Variants in PCDHA8 observed in about 807,000 individuals in gnomAD.
The protein encoded by PCDHA8 is protocadherin alpha 8.
PCDHA8 carries 53 observed loss-of-function variants against 61.8 expected under a neutral mutation model. That is an observed-to-expected ratio of 0.86 (90% CI 0.69 to 1.08). The LOEUF (loss-of-function observed/expected upper bound fraction) is 1.08. Ranked by LOEUF, PCDHA8 falls within the 50% of genes least tolerant of loss-of-function variation. The pLI is 0.00. For synonymous variants in PCDHA8, 618 were observed against 556.6 expected, an observed-to-expected ratio of 1.11 and a Z score of -1.55; for missense variants, 1,293 against 1,245.0, an observed-to-expected ratio of 1.04 and a Z score of -0.58.
At chr5:140,942,338 G>A (rs1554214916) in intron 1 of PCDHA8, among the ~76,000 whole-genome samples, 1 of 152,042 alleles carries the variant, frequency 6.6e-6, no homozygotes, top group African/African-American at 2.4e-5. Flanking sequence ...TGAACCAGAG[G>A]GAGGCGGAGG....
intron 1 of PCDHA8, among the ~76,000 whole-genome samples, chr5:140,903,594 A>G (rs868958257): frequency 3.3e-5 from 5 of 152,238 alleles, no homozygotes; most frequent in South Asian, 2.1e-4. Flanking sequence ...TTGGCCTGAT[A>G]AATGCTTAAT....
At chr5:140,882,717 C>T (rs1311295002) in intron 1 of PCDHA8, 1 of 1,614,102 alleles carries the variant, frequency 6.2e-7, no homozygotes, top group Non-Finnish European at 8.5e-7. Context: ...CCTCCGGAAA[C>T]TCGATTTCCA....
rs71583613 is a variant in PCDHA8 at position 141,001,265 on chromosome 5, T to G, written c.2543-8362T>G. 5.1e-4 allele frequency among the ~76,000 whole-genome samples: 78 copies of G among 152,286 alleles called. No individual in the cohort carries two copies. In the Middle Eastern group the frequency reaches 0.01, roughly 20 times the overall value. On this transcript the variant is annotated intron_variant, in intron 3 of 3. Transcript: ENST00000531613. ...CAACCCTATGGGGCGGGCACTCTTATGAACTTTTTTTACGGATGAAAACTG... is the reference window on the plus strand; with the variant it reads ...CAACCCTATGGGGCGGGCACTCTTAGGAACTTTTTTTACGGATGAAAACTG...
At chr5:140,871,049 T>A in intron 1 of PCDHA8, 4 of 1,613,302 alleles carry the variant, frequency 2.5e-6, no homozygotes, top group Non-Finnish European at 3.4e-6. Flanking sequence ...CTTCTAGTAC[T>A]GGTGAAGGAT....
chr5:140,922,272 G>A (rs547313117), intron 1 of PCDHA8, among the ~76,000 whole-genome samples: 37 of 152,312 alleles, frequency 2.4e-4, no homozygotes, highest in African/African-American at 8.7e-4. Flanking sequence ...ATGAAGATTG[G>A]ACCAAGATAT....
chr5:140,874,005 C>T (rs887497526), intron 1 of PCDHA8, among the ~76,000 whole-genome samples: 1 of 152,100 alleles, frequency 6.6e-6, no homozygotes, highest in South Asian at 2.1e-4. Context: ...GTACATTGAC[C>T]ACTTTTGAAA....
chr5:140,994,072 G>T (rs1587604928), intron 3 of PCDHA8, among the ~76,000 whole-genome samples: 1 of 152,242 alleles, frequency 6.6e-6, no homozygotes, highest in East Asian at 1.9e-4. Flanking sequence ...TAATGGTGAA[G>T]GGAGAAATGT....
chr5:140,923,451 C>T (rs1256990906), intron 1 of PCDHA8, among the ~76,000 whole-genome samples: 2 of 151,914 alleles, frequency 1.3e-5, no homozygotes, highest in African/African-American at 4.8e-5. Context: ...TCACCTGAGC[C>T]CAGAGAGGTA....
intron 1 of PCDHA8, among the ~76,000 whole-genome samples, chr5:140,890,676 C>T (rs1377876863): frequency 3.3e-5 from 5 of 152,164 alleles, no homozygotes; most frequent in African/African-American, 1.2e-4. Flanking sequence ...AACCCTTCCT[C>T]CTTCTGGGAA....
intron 1 of PCDHA8, chr5:140,968,919 T>C (rs2096279642): frequency 1.2e-6 from 2 of 1,614,116 alleles, no homozygotes; most frequent in South Asian, 1.1e-5. Flanking sequence ...GTGTCTTTTA[T>C]ATTTCTTTTG....
chr5:140,863,024 C>G (rs563115859), intron 1 of PCDHA8: 7 of 555,234 alleles, frequency 1.3e-5, no homozygotes, highest in Non-Finnish European at 2.1e-5. Flanking sequence ...CTGGTTGTCG[C>G]AACAGCTGCA....
chr5:140,863,352 G>T (rs568992628), intron 1 of PCDHA8: 16 of 1,288,838 alleles, frequency 1.2e-5, no homozygotes, highest in Non-Finnish European at 1.6e-5. Context: ...TGTACACGAC[G>T]CTGCGGTGCT....
intron 1 of PCDHA8, among the ~76,000 whole-genome samples, chr5:140,895,055 A>G (rs1313066261): frequency 6.6e-6 from 1 of 152,118 alleles, no homozygotes; most frequent in East Asian, 1.9e-4. Context: ...ATTCTGCTTC[A>G]TATGGACTCA....
At chr5:140,933,036 A>G (rs545196190) in intron 1 of PCDHA8, among the ~76,000 whole-genome samples, 5 of 152,154 alleles carry the variant, frequency 3.3e-5, no homozygotes, top group South Asian at 4.1e-4. Context: ...CTTCAAGTGA[A>G]TATGGATTAC....
In PCDHA8 at chr5:140,851,054, T is replaced by C. The variant is rs1269980672; in HGVS notation, c.2394+7339T>C. The C allele has an allele frequency of 2.8e-5, 38 of 1,379,008 alleles. 5 individuals carry two copies. Among genetic ancestry groups the C allele is most frequent in the Non-Finnish European group, 3.5e-5 (37 of 1,051,766 alleles). The allele number at this position is 1,379,008 out of a possible 1,614,324, so 85.4% of individuals were successfully genotyped here. ...CTTAACATTGGAGCCGACTTTGTCT[T>C]GACTTCTAGTGAGAATTATAAACTG... On this transcript the variant is annotated intron_variant, in intron 1 of 3. Coordinates refer to ENST00000531613, the MANE Select transcript of PCDHA8 (RefSeq NM_018911.3).
intron 1 of PCDHA8, chr5:140,884,779 G>C: frequency 1.4e-6 from 2 of 1,404,226 alleles, no homozygotes; most frequent in Non-Finnish European, 1.9e-6. Context: ...TTTTAATTTT[G>C]CTAGTTGTTA....
intron 1 of PCDHA8, among the ~76,000 whole-genome samples, chr5:140,953,512 C>G (rs2094896275): frequency 6.6e-6 from 1 of 152,106 alleles, no homozygotes; most frequent in Non-Finnish European, 1.5e-5. Context: ...TAGGCCAAAG[C>G]AACAAAAACG....
chr5:140,902,010 G>A (rs187351122), intron 1 of PCDHA8, among the ~76,000 whole-genome samples: 56 of 152,092 alleles, frequency 3.7e-4, no homozygotes, highest in African/African-American at 1.3e-3. Context: ...TCACTGTTGG[G>A]ACATATAGAA....
chr5:140,903,966 T>A (rs568850758), intron 1 of PCDHA8, among the ~76,000 whole-genome samples: 1 of 152,360 alleles, frequency 6.6e-6, no homozygotes, highest in Admixed American at 6.5e-5. Context: ...TTTGTTGATT[T>A]TTGGTCTATT....
Sources: gnomAD v4.1 joint callset for allele counts (sites outside exome capture counted in the v4.1 genomes callset) on GRCh38, gnomAD v4.1.1 for gene constraint, MANE v1.5 for transcripts, NCBI Gene and HGNC (gene_info 2026-07-23, HGNC 2026-07-21) for gene names.